GHRHR: variants seen among roughly 807,000 people sequenced by gnomAD.
GHRHR encodes the protein growth hormone-releasing hormone receptor.
GHRHR carries 40 observed loss-of-function variants against 58.3 expected under a neutral mutation model. The observed-to-expected ratio is 0.69, with a 90% CI of 0.53 to 0.89. The LOEUF is 0.89. GHRHR is among the 40% of genes least tolerant of loss of function. The pLI is 0.00. For missense variants in GHRHR, 551 were observed against 541.3 expected, an observed-to-expected ratio of 1.02 and a Z score of -0.18; for synonymous variants, 249 against 216.6, an observed-to-expected ratio of 1.15 and a Z score of -1.31.
rs779386288 is a variant in GHRHR at position 30,975,737 on chromosome 7, CT to C, written c.883-39del. ...CACCCCAGCCACCCAAGGCTACCCC[CT>C]GACCCTTGTCTTCCACCTTCCTATG... On this transcript the variant is annotated intron_variant, in intron 9 of 12. Transcript: ENST00000326139. 8.9e-6 allele frequency: 11 copies of C among 1,230,680 alleles called. No individual in the cohort carries two copies. The African/African-American group carries it at 1.2e-4, about 13-fold the overall frequency. 76.2% of individuals were successfully genotyped at this position (1,230,680 alleles called of 1,614,324 possible).
rs1001176311 is a variant in GHRHR, at chr7:30,979,355, C to A, written c.*111C>A. The stretch of plus-strand genomic sequence containing the variant: ...CATCCCCACCCCAGCTGTTACCCAG[C>A]CCGGGGCAGGTGCAGCCCTTCCTCC... On this transcript the variant is annotated 3_prime_UTR_variant, in exon 13 of 13. Transcript: ENST00000326139. 7.9e-5 allele frequency: 86 copies of A among 1,092,542 alleles called. No individual in the cohort carries two copies. In the African/African-American group the frequency reaches 1.2e-3, roughly 16 times the overall value. The allele number at this position is 1,092,542 out of a possible 1,614,324, so 67.7% of individuals were successfully genotyped here.
At chr7:30,971,935 T>C (rs779407666) in intron 5 of GHRHR, 28 bp from the exon 6 acceptor site, 18 of 1,612,584 alleles carry the variant, frequency 1.1e-5, no homozygotes, top group East Asian at 2.2e-5. Context: ...GCTTGCTTCT[T>C]GTTCCTCATT....
chr7:30,964,014 G>T lies in GHRHR; in HGVS notation c.-55G>T, dbSNP rs1221532540. On this transcript the variant is annotated 5_prime_UTR_variant, in exon 1 of 13. The change creates a new upstream start codon in the 5' untranslated region. Transcript: ENST00000326139. ...GCTGTGTCAGGGGACAGCAGGGGAA[G>T]GAAGATAGCCAAGGCTTACTGAGGC... The T allele has an allele frequency of 6.8e-7, 1 of 1,480,644 alleles. No homozygotes were observed. The highest frequency in any genetic ancestry group is 1.4e-5 in the African/African-American group (1 of 71,824). 91.7% of individuals were successfully genotyped at this position (1,480,644 alleles called of 1,614,324 possible).
intron 10 of GHRHR, among the ~76,000 whole-genome samples, chr7:30,976,189 A>G (rs1262907855): frequency 6.6e-6 from 1 of 152,152 alleles, no homozygotes; most frequent in African/African-American, 2.4e-5. Context: ...GTTTTGATCC[A>G]CACTTTGAAA....
At chr7:30,970,523 T>A (rs894902675) in intron 4 of GHRHR, among the ~76,000 whole-genome samples, 1 of 152,238 alleles carries the variant, frequency 6.6e-6, no homozygotes, top group African/African-American at 2.4e-5. Flanking sequence ...TAACCATTTT[T>A]CAGATGGAAA....
chr7:30,964,453 T>A (rs1184431586), intron 1 of GHRHR, among the ~76,000 whole-genome samples: 1 of 152,184 alleles, frequency 6.6e-6, no homozygotes, highest in Admixed American at 6.5e-5. Flanking sequence ...CACAAGACAG[T>A]GCCTCAGAAT....
intron 12 of GHRHR, among the ~76,000 whole-genome samples, chr7:30,977,601 G>C (rs904859749): frequency 6.6e-6 from 1 of 152,166 alleles, no homozygotes; most frequent in Non-Finnish European, 1.5e-5. Flanking sequence ...GGGGGATTAG[G>C]GTAGGGAGTC....
intron 10 of GHRHR, 95 bp downstream of exon 10, chr7:30,975,963 C>T (rs1448211110): frequency 5.2e-6 from 4 of 776,070 alleles, no homozygotes; most frequent in Non-Finnish European, 9.4e-6. Context: ...TGACCTCAGC[C>T]CCATACTCTT....
At chr7:30,968,685 C>T (rs906185988) in intron 1 of GHRHR, 149 bp from the exon 2 acceptor site, 2 of 397,546 alleles carry the variant, frequency 5.0e-6, no homozygotes, top group Non-Finnish European at 5.0e-6. Flanking sequence ...ATCTACCAAA[C>T]ACACCTGAAA....
intron 1 of GHRHR, among the ~76,000 whole-genome samples, chr7:30,965,914 C>T (rs1584409549): frequency 6.6e-6 from 1 of 152,352 alleles, no homozygotes; most frequent in Non-Finnish European, 1.5e-5. Flanking sequence ...CGGGGCTCTG[C>T]CCTGAGATGG....
chr7:30,969,601 C>A (rs1792438446), intron 3 of GHRHR: 1 of 606,864 alleles, frequency 1.6e-6, no homozygotes, highest in Non-Finnish European at 2.9e-6. Context: ...AGGATGCTGG[C>A]AGCCCAGCTC....
chr7:30,970,144 G>T (rs1792452588), intron 4 of GHRHR, among the ~76,000 whole-genome samples, 180 bp downstream of exon 4: 1 of 152,170 alleles, frequency 6.6e-6, no homozygotes, highest in African/African-American at 2.4e-5. Context: ...TTACTGAAGG[G>T]TGACCCACGG....
rs1792424931 is a variant in GHRHR at position 30,969,101 on chromosome 7, A to T, written c.199A>T (p.Thr67Ser). The T allele has an allele frequency of 2.5e-6, 4 of 1,581,840 alleles. No individual in the cohort carries two copies. The highest frequency in any genetic ancestry group is 1.2e-5 in the South Asian group (1 of 86,464). Reference sequence around the variant, plus strand: ...CTGGGATGGGCTGCTGTGCTGGCCAACGGCAGGCTCTGGCGAGTGGGTCAC... The same window carrying T: ...CTGGGATGGGCTGCTGTGCTGGCCATCGGCAGGCTCTGGCGAGTGGGTCAC... ...ATWDGLLCWP[T>S]AGSGEWVTLP... Residue 67 changes from threonine (T) to serine (S), a missense_variant, in exon 3 of 13, where the codon ACG (threonine) becomes TCG (serine). Transcript: ENST00000326139.
chr7:30,972,368 A>C (rs567255329), intron 6 of GHRHR, among the ~76,000 whole-genome samples: 1 of 152,178 alleles, frequency 6.6e-6, no homozygotes, highest in African/African-American at 2.4e-5. Flanking sequence ...CACTATGCAC[A>C]GCCTTTTCCT....
intron 1 of GHRHR, among the ~76,000 whole-genome samples, chr7:30,968,390 A>G (rs866744467): frequency 9.9e-5 from 15 of 152,158 alleles, no homozygotes; most frequent in Admixed American, 7.8e-4. Context: ...TCAGAAGCAT[A>G]TTGTCTAATG....
intron 7 of GHRHR, 74 bp downstream of exon 7, chr7:30,974,212 C>G: frequency 2.8e-6 from 4 of 1,449,158 alleles, no homozygotes; most frequent in South Asian, 2.3e-5. Context: ...TACATAAAGG[C>G]CCCTCCACCT....
chr7:30,966,664 A>C (rs986530509), intron 1 of GHRHR, among the ~76,000 whole-genome samples: 18 of 150,728 alleles, frequency 1.2e-4, no homozygotes, highest in African/African-American at 4.2e-4. Context: ...TTTTTCTGAG[A>C]TGGAGTCTCA....
chr7:30,973,947 G>A, intron 6 of GHRHR, 38 bp from the exon 7 acceptor site: 1 of 1,604,348 alleles, frequency 6.2e-7, no homozygotes, highest in Non-Finnish European at 8.5e-7. Flanking sequence ...GCTCCAGTGG[G>A]TGTCCCAGCT....
chr7:30,971,523 G>A (rs758726612), intron 5 of GHRHR, among the ~76,000 whole-genome samples: 5 of 152,084 alleles, frequency 3.3e-5, no homozygotes, highest in Non-Finnish European at 7.3e-5. Flanking sequence ...TCTGCCTCCT[G>A]CCCAGAGCCC....
Sources: allele counts gnomAD v4.1 joint callset (sites outside exome capture counted in the v4.1 genomes callset), GRCh38; gene constraint gnomAD v4.1.1; transcripts MANE v1.5; gene names NCBI Gene and HGNC (gene_info 2026-07-23, HGNC 2026-07-21).